The following HENMT1 variants were observed in gnomAD, a reference collection of about 807,000 sequenced individuals.
The protein encoded by HENMT1 is HEN methyltransferase 1, also known as small RNA 2'-O-methyltransferase.
In HENMT1, 27 loss-of-function variants were observed where a neutral mutation model predicts 31.1. The observed-to-expected ratio is 0.87, with a 90% CI of 0.64 to 1.20. The LOEUF is 1.20. Ranked by LOEUF, HENMT1 falls within the 50% of genes most tolerant of loss-of-function variation. The probability of loss-of-function intolerance (pLI) is 0.00; values close to 1 mark genes in which losing one functional copy is unlikely to be tolerated. For missense variants in HENMT1, 438 were observed against 469.6 expected (o/e 0.93, Z 0.62); for synonymous variants, 167 against 172.2 (o/e 0.97, Z 0.24).
intron 7 of HENMT1, among the ~76,000 whole-genome samples, chr1:108,649,717 C>T (rs773746319): frequency 6.6e-6 from 1 of 152,162 alleles, no homozygotes; most frequent in African/African-American, 2.4e-5. Context: ...GAGTAATGTC[C>T]TAAGCCAAGC....
Position 108,660,121 on chromosome 1 carries a change from CAA to C in HENMT1, c.-78-161_-78-160del, listed in dbSNP as rs34387673. Among the ~76,000 whole-genome samples, 82 of 125,940 alleles carry C rather than the reference CAA, an allele frequency of 6.5e-4. No homozygotes were observed. The East Asian group carries it at 0.011, about 18-fold the overall frequency. 82.6% of individuals were successfully genotyped at this position (125,940 alleles called of 152,430 possible). On this transcript the variant is annotated intron_variant, in intron 1 of 7. Coordinates refer to ENST00000651461, the MANE Select transcript of HENMT1 (RefSeq NM_001102592.2). ...AATAATGAATTCACCTCTGAGTACT[CAA>C]AAAAAAAAAAAAAAACACGAAAGCA... is the stretch of plus-strand genomic sequence containing the variant.
intron 5 of HENMT1, among the ~76,000 whole-genome samples, chr1:108,652,516 A>T (rs1476822624): frequency 6.6e-6 from 1 of 152,270 alleles, no homozygotes; most frequent in South Asian, 2.1e-4. Context: ...TTGCAATTAT[A>T]TAACAATTAA....
At chr1:108,650,116 C>T (rs746496653) in intron 7 of HENMT1, 95 bp downstream of exon 7, 21 of 1,067,524 alleles carry the variant, frequency 2.0e-5, no homozygotes, top group Admixed American at 1.7e-5. Flanking sequence ...AGGTCATTTA[C>T]ACTCATCTCT....
rs1249117176 is a variant in HENMT1, at chr1:108,657,462, C to T, written c.139G>A (p.Glu47Lys). The change falls in exon 3 of 8, where the codon GAG (glutamate) becomes AAG (lysine). Residue 47 changes from glutamate to lysine, a missense_variant. Physicochemically the swap from Glu to Lys is moderately conservative, Grantham distance 56 (BLOSUM62 1). Coordinates refer to ENST00000651461, the MANE Select transcript of HENMT1 (RefSeq NM_001102592.2). ...QFVKNLVDQH[E>K]PKKVADLGCG... ...AGAGAAATACCTACCTTCTTAGGCT[C>T]ATGTTGATCCACTAAATTTTTAACG... is the stretch of plus-strand genomic sequence containing the variant. 6.2e-7 allele frequency: 1 copy of T among 1,605,668 alleles called. No homozygotes were observed.
chr1:108,660,197 T>C (rs1034844199), intron 1 of HENMT1, among the ~76,000 whole-genome samples: 2 of 147,430 alleles, frequency 1.4e-5, no homozygotes, highest in Non-Finnish European at 3.0e-5. Context: ...TTATTCACAA[T>C]AGCCAATCTG....
chr1:108,654,603 A>G (rs1332931495), intron 5 of HENMT1, 113 bp downstream of exon 5: 9 of 985,684 alleles, frequency 9.1e-6, no homozygotes, highest in Non-Finnish European at 1.3e-5. Flanking sequence ...CCAACCAATG[A>G]GCAGTTTTCC....
chr1:108,649,485 G>C (rs1401420731), intron 7 of HENMT1: 2 of 423,472 alleles, frequency 4.7e-6, no homozygotes, highest in South Asian at 1.7e-5. Context: ...GCATGGTGGT[G>C]CACGCCTGTC....
intron 2 of HENMT1, among the ~76,000 whole-genome samples, chr1:108,658,378 C>G (rs1658330863): frequency 1.3e-5 from 2 of 152,110 alleles, no homozygotes; most frequent in African/African-American, 4.8e-5. Flanking sequence ...CGTGATCCAC[C>G]CGCCTTGGCC....
chr1:108,648,433 A>G lies in HENMT1; in HGVS notation c.*133T>C. On this transcript the variant is annotated 3_prime_UTR_variant, in exon 8 of 8. Coordinates refer to ENST00000651461, the MANE Select transcript of HENMT1 (RefSeq NM_001102592.2). ...GGCCATATCTCAAGCAGGTCTGTCC[A>G]ATGGCTTGGAACATAGACTTTTGCA... The G allele has an allele frequency of 1.3e-6, 1 of 762,284 alleles. No homozygotes were observed. 47.2% of individuals were successfully genotyped at this position (762,284 alleles called of 1,614,324 possible). A position where few individuals can be genotyped will look rare whatever the true frequency, so the allele number is the denominator to read the frequency against.
At chr1:108,657,616 C>A in intron 2 of HENMT1, 37 bp from the exon 3 acceptor site, 5 of 1,575,556 alleles carry the variant, frequency 3.2e-6, no homozygotes, top group Non-Finnish European at 4.3e-6. Context: ...GGTTCTAAAT[C>A]ATGCATGACT....
chr1:108,654,366 T>C (rs556976022), intron 5 of HENMT1, among the ~76,000 whole-genome samples: 4 of 152,252 alleles, frequency 2.6e-5, no homozygotes, highest in Admixed American at 6.5e-5. Context: ...CAAAAGGCCA[T>C]GTGTATACCC....
At chr1:108,651,665 G>A (rs1045846743) in intron 5 of HENMT1, among the ~76,000 whole-genome samples, 2 of 145,874 alleles carry the variant, frequency 1.4e-5, no homozygotes, top group African/African-American at 5.1e-5. Flanking sequence ...GAAAAAGAAA[G>A]AAGGAAGGAA....
At chr1:108,652,008 GATAC>G (rs746798969) in intron 5 of HENMT1, among the ~76,000 whole-genome samples, 5 of 152,184 alleles carry the variant, frequency 3.3e-5, no homozygotes, top group South Asian at 2.1e-4. Context: ...GAGACACTCA[GATAC>G]AGCGACATTC....
At chr1:108,658,084 C>CTT (rs1658314814) in intron 2 of HENMT1, among the ~76,000 whole-genome samples, 1 of 129,620 alleles carries the variant, frequency 7.7e-6, no homozygotes, top group African/African-American at 2.7e-5. Flanking sequence ...CACACACACA[C>CTT]ACACACACAC....
intron 7 of HENMT1, chr1:108,649,871 C>T: frequency 2.7e-6 from 1 of 375,970 alleles, no homozygotes; most frequent in South Asian, 2.1e-5. Flanking sequence ...CCAGGCTGCA[C>T]TCGAACTCCT....
chr1:108,657,974 TACACACACACATATATATACACAC>T (rs1339103088), intron 2 of HENMT1, among the ~76,000 whole-genome samples: 2 of 144,626 alleles, frequency 1.4e-5, no homozygotes, highest in African/African-American at 5.1e-5. Context: ...TATATATATA[TACACACACACATATATATACACAC>T]ACACACACAC....
chr1:108,654,787 T>A lies in HENMT1; in HGVS notation c.327A>T (p.Thr109=). 1 of 1,614,070 alleles carries A rather than the reference T, an allele frequency of 6.2e-7. No homozygotes were observed. Among genetic ancestry groups the A allele is most frequent in the Non-Finnish European group, 8.5e-7 (1 of 1,179,976 alleles). The change falls in exon 5 of 8, where the codon ACA becomes ACT. Residue 109 remains threonine, a synonymous_variant. Transcript: ENST00000651461. ...TCTCCACAACGGAGCCATGATACAA[T>A]GTGATGGTCAAATTCAGATCCCGAG... The part of the protein sequence containing the change: ...LKPRDLNLTI[T]LYHGSVVERD...
chr1:108,660,522 C>G (rs1658421066), intron 1 of HENMT1, among the ~76,000 whole-genome samples: 1 of 152,204 alleles, frequency 6.6e-6, no homozygotes, highest in Non-Finnish European at 1.5e-5. Flanking sequence ...AACATCTATT[C>G]AATTCACTCA....
intron 1 of HENMT1, among the ~76,000 whole-genome samples, chr1:108,660,252 T>A (rs754931887): frequency 2.0e-4 from 31 of 152,132 alleles, no homozygotes; most frequent in Non-Finnish European, 4.4e-4. Context: ...ATGTATCCAG[T>A]ATTTTTTCAG....
Sources: gnomAD v4.1 joint callset for allele counts (sites outside exome capture counted in the v4.1 genomes callset) on GRCh38, gnomAD v4.1.1 for gene constraint, MANE v1.5 for transcripts, NCBI Gene and HGNC (gene_info 2026-07-23, HGNC 2026-07-21) for gene names.